Variants in ZNF570 observed in about 807,000 individuals in gnomAD.
ZNF570 encodes zinc finger protein 570.
Under a neutral mutation model 14.2 loss-of-function variants are expected in ZNF570, and 8 were observed. That is an observed-to-expected ratio of 0.56 (90% CI 0.33 to 1.02). ZNF570 has a LOEUF of 1.02. ZNF570 is among the 50% of genes least tolerant of loss of function. The pLI is 0.03. For missense variants in ZNF570, 559 were observed against 624.9 expected (o/e 0.89, Z 1.12); for synonymous variants, 202 against 207.6 (o/e 0.97, Z 0.23).
At chr19:37,481,445 G>A (rs760706540) in intron 4 of ZNF570, among the ~76,000 whole-genome samples, 1 of 152,218 alleles carries the variant, frequency 6.6e-6, no homozygotes, top group Non-Finnish European at 1.5e-5. Flanking sequence ...GAGCCATTGT[G>A]CCCGGTGACA....
At chr19:37,478,986 A>G (rs1159427574) in intron 4 of ZNF570, among the ~76,000 whole-genome samples, 1 of 151,312 alleles carries the variant, frequency 6.6e-6, no homozygotes, top group South Asian at 2.1e-4. Flanking sequence ...TTTCGGAATC[A>G]AGGTTGATTA....
chr19:37,470,256 G>T (rs1744166644), intron 1 of ZNF570, 48 bp from the exon 2 acceptor site: 1 of 1,566,762 alleles, frequency 6.4e-7, no homozygotes, highest in African/African-American at 1.4e-5. Context: ...GGTGATTCTG[G>T]ATGCTGCAAG....
At chr19:37,468,180 G>C (rs967578209), upstream of ZNF570, 5 of 539,980 alleles carry the variant, frequency 9.3e-6, no homozygotes, top group Non-Finnish European at 1.6e-5. Context: ...TCGAACTCCC[G>C]GGCTCAAGCG....
chr19:37,468,164 G>A (rs1600368816), upstream of ZNF570: 1 of 558,860 alleles, frequency 1.8e-6, no homozygotes, highest in Non-Finnish European at 3.2e-6. Context: ...TTGGCTCACT[G>A]CAGCCTCGAA....
intron 1 of ZNF570, 93 bp from the exon 2 acceptor site, chr19:37,470,211 A>G (rs1424416141): frequency 8.5e-7 from 1 of 1,175,896 alleles, no homozygotes; most frequent in Non-Finnish European, 1.2e-6. Context: ...GGAAGGTTGC[A>G]AGAGGAGGAA....
intron 4 of ZNF570, among the ~76,000 whole-genome samples, chr19:37,477,672 C>T (rs1170614352): frequency 6.6e-6 from 1 of 151,996 alleles, no homozygotes; most frequent in African/African-American, 2.4e-5. Context: ...CTTTAAGAAA[C>T]CTTTCTATGT....
At position 37,469,366 on chromosome 19, in the gene ZNF570, G is replaced by T; in HGVS notation, c.-243G>T. ...GGAGGCAGCTGAGGCGCTTCTTTCCGGGCCCGTAAGGGCTGGGTTCCATCC... is the reference window on the plus strand; with the variant it reads ...GGAGGCAGCTGAGGCGCTTCTTTCCTGGCCCGTAAGGGCTGGGTTCCATCC... On this transcript the variant is annotated 5_prime_UTR_variant, in exon 1 of 5. Coordinates refer to ENST00000330173, the MANE Select transcript of ZNF570 (RefSeq NM_144694.5). 2.1e-6 allele frequency: 3 copies of T among 1,424,302 alleles called. No individual in the cohort carries two copies. In the East Asian group the frequency reaches 7.9e-5, roughly 38 times the overall value. The allele number at this position is 1,424,302 out of a possible 1,614,324, so 88.2% of individuals were successfully genotyped here.
In ZNF570 at chr19:37,483,948, A is replaced by G. The variant is rs748635284; in HGVS notation, c.326A>G (p.Gln109Arg). The change falls in exon 5 of 5, where the codon CAG becomes CGG. Residue 109 changes from glutamine to arginine, a missense_variant. Coordinates refer to ENST00000330173, the MANE Select transcript of ZNF570 (RefSeq NM_144694.5). ...KQDFYEEHQS[Q>R]KIIETLTSYN... is the part of the protein sequence containing the mutation. ...GATTTTTATGAAGAACATCAATCCC[A>G]GAAGATAATAGAAACACTTACAAGC... 2.2e-5 allele frequency: 36 copies of G among 1,613,700 alleles called. No individual in the cohort carries two copies. The highest frequency in any genetic ancestry group is 2.7e-5 in the African/African-American group (2 of 74,948).
At position 37,476,405 on chromosome 19, in the gene ZNF570, A is replaced by C; in HGVS notation, c.227A>C (p.Lys76Thr). Reference protein sequence around the residue: ...LEQGKAPWMVKRELTKGLCSG... With the variant: ...LEQGKAPWMVTRELTKGLCSG... Reference sequence around the variant, plus strand: ...CAAGGAAAAGCACCCTGGATGGTGAAGAGAGAGCTGACAAAAGGCTTGTGC... The same window carrying C: ...CAAGGAAAAGCACCCTGGATGGTGACGAGAGAGCTGACAAAAGGCTTGTGC... Residue 76 changes from lysine (K) to threonine (T), a missense_variant, in exon 4 of 5, where the codon AAG (lysine) becomes ACG (threonine). Transcript: ENST00000330173. The C allele has an allele frequency of 6.2e-7, 1 of 1,614,106 alleles. No individual in the cohort carries two copies. The highest frequency in any genetic ancestry group is 8.5e-7 in the Non-Finnish European group (1 of 1,179,998).
chr19:37,484,033 G>C lies in ZNF570; in HGVS notation c.411G>C (p.Arg137Ser), dbSNP rs958810809. 1 of 1,614,024 alleles carries C rather than the reference G, an allele frequency of 6.2e-7. No homozygotes were observed. The highest frequency in any genetic ancestry group is 1.3e-5 in the African/African-American group (1 of 75,016). ...EEWKCEGYFERQPGNQKACFK... is the reference protein window; with the variant it reads ...EEWKCEGYFESQPGNQKACFK... ...GGAAATGTGAGGGCTATTTTGAAAG[G>C]CAACCAGGTAATCAGAAGGCGTGTT... Residue 137 changes from arginine (R) to serine (S), a missense_variant, in exon 5 of 5, where the codon AGG becomes AGC. Coordinates refer to ENST00000330173, the MANE Select transcript of ZNF570 (RefSeq NM_144694.5).
At chr19:37,480,861 G>C (rs889354612) in intron 4 of ZNF570, among the ~76,000 whole-genome samples, 1 of 151,408 alleles carries the variant, frequency 6.6e-6, no homozygotes, top group African/African-American at 2.4e-5. Flanking sequence ...GAGGTGGGAG[G>C]GTCGCCTGAG....
rs1285919969 is a variant in ZNF570, at chr19:37,485,085, A to G, written c.1463A>G (p.His488Arg). The part of the protein sequence containing the change: ...AFSYCGSLAQ[H>R]QRIHTGERPY... ...AGTTACTGTGGATCCCTTGCCCAACATCAGAGAATTCATACTGGAGAGAGA... is the reference window on the plus strand; with the variant it reads ...AGTTACTGTGGATCCCTTGCCCAACGTCAGAGAATTCATACTGGAGAGAGA... Residue 488 changes from histidine (H) to arginine (R), a missense_variant, in exon 5 of 5, where the codon CAT becomes CGT. Transcript: ENST00000330173. 1 of 1,614,094 alleles carries G rather than the reference A, an allele frequency of 6.2e-7. No homozygotes were observed. Among genetic ancestry groups the G allele is most frequent in the Non-Finnish European group, 8.5e-7 (1 of 1,180,014 alleles).
rs891677714 is a variant in ZNF570 at position 37,476,690 on chromosome 19, T to C, written c.256+256T>C. ...GCCTCTCAGTCTTTAAAAAATCTTG[T>C]AGTAGTCTTATAAACTTTTTTTTTT... On this transcript the variant is annotated intron_variant, in intron 4 of 4. Coordinates refer to ENST00000330173, the MANE Select transcript of ZNF570 (RefSeq NM_144694.5). Among the ~76,000 whole-genome samples the C allele has an allele frequency of 2.0e-5, 3 of 151,492 alleles. No individual in the cohort carries two copies. The South Asian group carries it at 6.2e-4, about 32-fold the overall frequency.
chr19:37,470,069 A>T (rs769409526), intron 1 of ZNF570: 186 of 413,334 alleles, frequency 4.5e-4, no homozygotes, highest in Middle Eastern at 3.2e-3. Flanking sequence ...GAAAACTTAC[A>T]TTCCTCTGAG....
chr19:37,482,638 C>T (rs916072812), intron 4 of ZNF570, among the ~76,000 whole-genome samples: 10 of 152,174 alleles, frequency 6.6e-5, no homozygotes, highest in Middle Eastern at 3.2e-3. Flanking sequence ...CCATCTGTTA[C>T]GGTTTGGCTC....
At position 37,476,559 on chromosome 19, in the gene ZNF570, TG is replaced by T. The variant is rs2042026584; in HGVS notation, c.256+129del. The T allele has an allele frequency of 7.8e-5, 106 of 1,353,100 alleles. 1 individual carries two copies. Among genetic ancestry groups the T allele is most frequent in the Non-Finnish European group, 1.0e-4 (105 of 1,041,890 alleles). The allele number at this position is 1,353,100 out of a possible 1,614,324, so 83.8% of individuals were successfully genotyped here. A position where few individuals can be genotyped will look rare whatever the true frequency, so the allele number is the denominator to read the frequency against. On this transcript the variant is annotated intron_variant, in intron 4 of 4. Transcript: ENST00000330173. ...AATGTTCTAGGTTTTCATAAAAATT[TG>T]GGGCCATTTAGGATGTTCTCCCACA...
chr19:37,468,205 C>A (rs1285022535), upstream of ZNF570, among the ~76,000 whole-genome samples: 2 of 151,528 alleles, frequency 1.3e-5, no homozygotes, highest in Admixed American at 1.3e-4. Flanking sequence ...TCTGCCTCGG[C>A]CTTCCGAGTA....
At chr19:37,468,299 G>C (rs1184619464), upstream of ZNF570, among the ~76,000 whole-genome samples, 4 of 152,090 alleles carry the variant, frequency 2.6e-5, no homozygotes, top group Non-Finnish European at 4.4e-5. Flanking sequence ...ATGTTGCCCA[G>C]GCTGCTCTCG....
chr19:37,472,196 A>G (rs370607484), intron 2 of ZNF570, among the ~76,000 whole-genome samples: 1 of 151,928 alleles, frequency 6.6e-6, no homozygotes, highest in Non-Finnish European at 1.5e-5. Context: ...GAGCCATCGC[A>G]CTCGGCCCAG....
Sources: gnomAD v4.1 joint callset for allele counts (sites outside exome capture counted in the v4.1 genomes callset) on GRCh38, gnomAD v4.1.1 for gene constraint, MANE v1.5 for transcripts, NCBI Gene and HGNC (gene_info 2026-07-23, HGNC 2026-07-21) for gene names.